ZNF17: variants seen among roughly 807,000 people sequenced by gnomAD.
ZNF17 encodes zinc finger protein 17 (HPF3, KOX 10).
A neutral mutation model predicts 7.7 loss-of-function variants in ZNF17; 4 were observed. The ratio of observed to expected loss-of-function variants is 0.52; its 90% confidence interval spans 0.26 to 1.20. ZNF17 has a LOEUF of 1.20. Among genes scored for constraint, ZNF17 ranks in the 50% most tolerant of loss-of-function variants. The pLI is 0.14. For missense variants in ZNF17, 738 were observed against 799.5 expected, an observed-to-expected ratio of 0.92 and a Z score of 0.93; for synonymous variants, 249 against 258.8, an observed-to-expected ratio of 0.96 and a Z score of 0.36.
chr19:57,415,360 T>G (rs10408746), intron 2 of ZNF17, among the ~76,000 whole-genome samples: 9,658 of 152,128 alleles, frequency 0.063, 933 homozygotes, highest in African/African-American at 0.22. Context: ...ATAGAGCATA[T>G]GAAGAACGAG....
intron 1 of ZNF17, among the ~76,000 whole-genome samples, chr19:57,411,933 A>G (rs1165042235): frequency 1.3e-5 from 2 of 152,198 alleles, no homozygotes; most frequent in Admixed American, 6.5e-5. Flanking sequence ...TGAAGGGTCT[A>G]TTCCATGGAT....
At chr19:57,411,470 G>C in intron 1 of ZNF17, 64 bp downstream of exon 1, 3 of 1,585,704 alleles carry the variant, frequency 1.9e-6, no homozygotes, top group Non-Finnish European at 2.6e-6. Flanking sequence ...CCCCGAGGAG[G>C]GGCCCTGCAG....
At chr19:57,418,213 A>G (rs2088824310) in intron 3 of ZNF17, among the ~76,000 whole-genome samples, 175 bp downstream of exon 3, 1 of 152,078 alleles carries the variant, frequency 6.6e-6, no homozygotes, top group Non-Finnish European at 1.5e-5. Context: ...TTTCCTTAAG[A>G]AGCTTAGCTC....
At chr19:57,414,150 C>T (rs946277062) in intron 2 of ZNF17, among the ~76,000 whole-genome samples, 3 of 152,158 alleles carry the variant, frequency 2.0e-5, no homozygotes, top group Admixed American at 1.3e-4. Flanking sequence ...TCTCCTGCCC[C>T]GGCCTCCCGA....
intron 1 of ZNF17, 132 bp downstream of exon 1, chr19:57,411,538 G>T (rs1483309926): frequency 1.4e-6 from 2 of 1,453,842 alleles, no homozygotes; most frequent in Non-Finnish European, 1.8e-6. Context: ...CGGTGTCCGC[G>T]GTGCTGTGAG....
At position 57,421,565 on chromosome 19, in the gene ZNF17, A is replaced by G; in HGVS notation, c.*84A>G. On this transcript the variant is annotated 3_prime_UTR_variant, in exon 4 of 4. Transcript: ENST00000307658. ...GCACTGGGACCTACGTTTTAAAAAA[A>G]GTATTCTTGTAGAATACAGATAACA... 7.0e-7 allele frequency: 1 copy of G among 1,435,880 alleles called. No homozygotes were observed. The highest frequency in any genetic ancestry group is 9.4e-7 in the Non-Finnish European group (1 of 1,066,208). The allele number at this position is 1,435,880 out of a possible 1,614,324, so 88.9% of individuals were successfully genotyped here. A position where few individuals can be genotyped will look rare whatever the true frequency, so the allele number is the denominator to read the frequency against.
Position 57,411,201 on chromosome 19 carries a change from C to G in ZNF17, c.-226C>G, listed in dbSNP as rs1600091978. On this transcript the variant is annotated 5_prime_UTR_variant, in exon 1 of 4. It adds an upstream start codon to the 5' untranslated region. Transcript: ENST00000307658. ...GTTGTCAATATGGCTGCGTTGGGATCTGTTCACCTTCAGGCTGAGTCGAGA... is the reference window on the plus strand; with the variant it reads ...GTTGTCAATATGGCTGCGTTGGGATGTGTTCACCTTCAGGCTGAGTCGAGA... 11 of 732,564 alleles carry G rather than the reference C, an allele frequency of 1.5e-5. No individual in the cohort carries two copies. The East Asian group carries it at 2.6e-4, about 17-fold the overall frequency. The allele number at this position is 732,564 out of a possible 1,614,324, so 45.4% of individuals were successfully genotyped here.
chr19:57,411,572 C>T (rs956750896), intron 1 of ZNF17, 166 bp downstream of exon 1: 2 of 1,431,958 alleles, frequency 1.4e-6, no homozygotes, highest in South Asian at 1.5e-5. Flanking sequence ...TGTCAGGGAC[C>T]TGCACGTGCG....
rs1374655229 is a variant in ZNF17, at chr19:57,420,750, G to A, written c.1264G>A (p.Gly422Arg). The A allele has an allele frequency of 1.2e-6, 2 of 1,614,094 alleles. No homozygotes were observed. The highest frequency in any genetic ancestry group is 2.2e-5 in the South Asian group (2 of 91,076). ...AAAGCCTTATGAGTGTAGTGAATGT[G>A]GGAAGTTCTTTATGGACACTTCCAC... ...GEKPYECSECGKFFMDTSTLI... is the reference protein window; with the variant it reads ...GEKPYECSECRKFFMDTSTLI... The change falls in exon 4 of 4, where the codon GGG (glycine) becomes AGG (arginine). Residue 422 changes from glycine (G) to arginine (R), a missense_variant. Gly to Arg is a moderately radical substitution (Grantham distance 125). This residue lies in a region of ZNF17 where 616 missense variants were observed against 663.9 expected (regional missense o/e 0.93). Transcript: ENST00000307658.
Position 57,420,203 on chromosome 19 carries a change from G to A in ZNF17, c.717G>A (p.Gln239=). The A allele has an allele frequency of 6.2e-7, 1 of 1,613,208 alleles. No homozygotes were observed. Among genetic ancestry groups the A allele is most frequent in the Non-Finnish European group, 8.5e-7 (1 of 1,179,138 alleles). ...ACAACTCCGACCTTATTAAACATCA[G>A]CGAAATCATACTGGAGAAAGGCCTT... is the stretch of plus-strand genomic sequence containing the variant. ...FRYNSDLIKH[Q]RNHTGERPYK... Residue 239 remains glutamine, a synonymous_variant, in exon 4 of 4, where the codon CAG becomes CAA. Transcript: ENST00000307658.
chr19:57,414,996 C>T (rs1242760593), intron 2 of ZNF17, among the ~76,000 whole-genome samples: 17 of 152,220 alleles, frequency 1.1e-4, no homozygotes, highest in Admixed American at 1.1e-3. Flanking sequence ...AGGCCTGAGC[C>T]ACTGCACCCA....
rs1008010936 is a variant in ZNF17 at position 57,419,644 on chromosome 19, A to C, written c.158A>C (p.His53Pro). Residue 53 changes from histidine (H) to proline (P), a missense_variant, in exon 4 of 4, where the codon CAT becomes CCT. Coordinates refer to ENST00000307658, the MANE Select transcript of ZNF17 (RefSeq NM_001330617.2). ...AGCATTTCTGTTTTAGGTTGTTGGC[A>C]TGGAGCCAAGGATGAGGAGGCACCT... ...FALLSSVGCW[H>P]GAKDEEAPSK... The C allele has an allele frequency of 6.2e-7, 1 of 1,610,256 alleles. No individual in the cohort carries two copies. Among genetic ancestry groups the C allele is most frequent in the Non-Finnish European group, 8.5e-7 (1 of 1,177,184 alleles).
chr19:57,420,378 C>T lies in ZNF17; in HGVS notation c.892C>T (p.His298Tyr), dbSNP rs2088840953. Reference sequence around the variant, plus strand: ...TCACCTACTTCAGCACCAGAGGATTCACACCAGGCCAAGGCCTTATGTGTG... The same window carrying T: ...TCACCTACTTCAGCACCAGAGGATTTACACCAGGCCAAGGCCTTATGTGTG... ...KSHLLQHQRI[H>Y]TRPRPYVCSE... The change falls in exon 4 of 4, where the codon CAC (histidine) becomes TAC (tyrosine). Residue 298 changes from histidine (H) to tyrosine (Y), a missense_variant. By Grantham distance (83) the His-to-Tyr change is moderately conservative (BLOSUM62 2). This residue lies in a region of ZNF17 where 616 missense variants were observed against 663.9 expected (regional missense o/e 0.93). Coordinates refer to ENST00000307658, the MANE Select transcript of ZNF17 (RefSeq NM_001330617.2). The T allele has an allele frequency of 6.2e-7, 1 of 1,613,946 alleles. No individual in the cohort carries two copies. The highest frequency in any genetic ancestry group is 8.5e-7 in the Non-Finnish European group (1 of 1,180,000).
intron 1 of ZNF17, among the ~76,000 whole-genome samples, chr19:57,412,991 C>T (rs1025433813): frequency 2.6e-5 from 4 of 152,026 alleles, no homozygotes; most frequent in African/African-American, 9.7e-5. Flanking sequence ...GATTCTCCTA[C>T]CTCAGCCTCC....
Position 57,421,083 on chromosome 19 carries a change from T to C in ZNF17, c.1597T>C (p.Cys533Arg). 6.2e-7 allele frequency: 1 copy of C among 1,614,160 alleles called. No homozygotes were observed. Among genetic ancestry groups the C allele is most frequent in the Non-Finnish European group, 8.5e-7 (1 of 1,179,972 alleles). ...TGAAAGGCCTTATGAGTGTAGTGAA[T>C]GTGGGAAATTCTTTAGGCACAACTC... ...TGERPYECSECGKFFRHNSNH... is the reference protein window; with the variant it reads ...TGERPYECSERGKFFRHNSNH... Residue 533 changes from cysteine (C) to arginine (R), a missense_variant, in exon 4 of 4, where the codon TGT becomes CGT. Physicochemically the swap from Cys to Arg is radical, Grantham distance 180. Transcript: ENST00000307658.
At chr19:57,414,780 G>A (rs989883711) in intron 2 of ZNF17, among the ~76,000 whole-genome samples, 17 of 150,248 alleles carry the variant, frequency 1.1e-4, no homozygotes, top group Non-Finnish European at 1.3e-4. Context: ...GCGTGAACTC[G>A]GCTCACTGCA....
At chr19:57,412,080 C>A (rs1048596918) in intron 1 of ZNF17, among the ~76,000 whole-genome samples, 1 of 152,086 alleles carries the variant, frequency 6.6e-6, no homozygotes, top group African/African-American at 2.4e-5. Context: ...ATAAGCCTGA[C>A]GCTACCTTTA....
At position 57,411,726 on chromosome 19, in the gene ZNF17, C is replaced by A. The variant is rs76053453; in HGVS notation, c.-21+320C>A. ...GAAGGCTGTGCAGGAAGGGTTATGC[C>A]CAGAGGTAGACGTTTAAAGTTGGGA... is the stretch of plus-strand genomic sequence containing the variant. On this transcript the variant is annotated intron_variant, in intron 1 of 3. Transcript: ENST00000307658. 1,610 of 1,197,368 alleles carry A rather than the reference C, an allele frequency of 1.3e-3. 19 individuals are homozygous for A. In the African/African-American group the frequency reaches 0.023, roughly 17 times the overall value. 74.2% of individuals were successfully genotyped at this position (1,197,368 alleles called of 1,614,324 possible).
At position 57,420,730 on chromosome 19, in the gene ZNF17, CT is replaced by C. The variant is rs776305133; in HGVS notation, c.1246del (p.Tyr416MetfsTer44). On this transcript the variant is annotated frameshift_variant, in exon 4 of 4. Transcript: ENST00000307658. LOFTEE classifies it low-confidence loss of function (END_TRUNC). ...CAGAAAGTTCACACTGGAGAAAAGC[CT>C]TATGAGTGTAGTGAATGTGGGAAGT... ...RHQKVHTGEK[P>X]YECSECGKFF... 1.9e-5 allele frequency: 30 copies of C among 1,614,014 alleles called. No individual in the cohort carries two copies. In the African/African-American group the frequency reaches 4.0e-4, roughly 22 times the overall value.
Sources: gnomAD v4.1 joint callset for allele counts (sites outside exome capture counted in the v4.1 genomes callset) on GRCh38, gnomAD v4.1.1 for gene constraint, gnomAD v4.1.1 regional missense constraint, MANE v1.5 for transcripts, NCBI Gene and HGNC (gene_info 2026-07-23, HGNC 2026-07-21) for gene names.